The following CHRM3 variants were observed in gnomAD, a reference collection of about 807,000 sequenced individuals.
CHRM3 encodes the protein muscarinic acetylcholine receptor M3.
A neutral mutation model predicts 41.8 loss-of-function variants in CHRM3; 11 were observed. The observed-to-expected ratio is 0.26, with a 90% CI of 0.17 to 0.44. The LOEUF (loss-of-function observed/expected upper bound fraction) is 0.44, where lower values mean the gene tolerates loss of function less well. Ranked by LOEUF, CHRM3 falls within the 20% of genes least tolerant of loss-of-function variation. The pLI, the probability that CHRM3 is intolerant of heterozygous loss-of-function variation, is 1.00. For missense variants in CHRM3, 571 were observed against 745.4 expected (o/e 0.77, Z 2.72); for synonymous variants, 297 against 301.4 (o/e 0.99, Z 0.15).
chr1:239,601,181 G>A (rs1665488125), intron 3 of CHRM3, among the ~76,000 whole-genome samples: 1 of 152,144 alleles, frequency 6.6e-6, no homozygotes, highest in Non-Finnish European at 1.5e-5. Flanking sequence ...ATTTCAGCCA[G>A]TTCCATTCTC....
chr1:239,535,981 A>G (rs990933540), intron 2 of CHRM3, among the ~76,000 whole-genome samples: 28 of 152,138 alleles, frequency 1.8e-4, no homozygotes, highest in Non-Finnish European at 5.9e-5. Flanking sequence ...TTAGATGAAC[A>G]ATGTGCATGT....
chr1:239,725,044 TTAGCAATA>T (rs1663308561), intron 5 of CHRM3, among the ~76,000 whole-genome samples: 1 of 151,942 alleles, frequency 6.6e-6, no homozygotes, highest in Admixed American at 6.6e-5. Context: ...TTCCTATTAC[TTAGCAATA>T]CAGACTAAGC....
At chr1:239,583,527 G>T (rs114558644) in intron 3 of CHRM3, among the ~76,000 whole-genome samples, 1,879 of 152,130 alleles carry the variant, frequency 0.012, 46 homozygotes, top group African/African-American at 0.043. Context: ...TGGTCATGCA[G>T]GTCAATTTAG....
intron 1 of CHRM3, among the ~76,000 whole-genome samples, chr1:239,408,528 A>ACAAAC (rs1299097626): frequency 2.7e-5 from 4 of 149,458 alleles, no homozygotes; most frequent in Non-Finnish European, 4.4e-5. Flanking sequence ...CGTCAAAAAA[A>ACAAAC]AAAAAAAAAA....
chr1:239,878,558 AT>A (rs1422087793), intron 6 of CHRM3, among the ~76,000 whole-genome samples: 1 of 151,584 alleles, frequency 6.6e-6, no homozygotes, highest in East Asian at 1.9e-4. Flanking sequence ...CATCTTGGAG[AT>A]CCCGGCTATA....
At chr1:239,405,288 C>A (rs2103012590) in intron 1 of CHRM3, among the ~76,000 whole-genome samples, 1 of 152,258 alleles carries the variant, frequency 6.6e-6, no homozygotes, top group East Asian at 1.9e-4. Flanking sequence ...TATTTCCAAC[C>A]ATTCCACTGG....
At chr1:239,838,375 C>T (rs1673503288) in intron 6 of CHRM3, among the ~76,000 whole-genome samples, 1 of 151,968 alleles carries the variant, frequency 6.6e-6, no homozygotes, top group South Asian at 2.1e-4. Flanking sequence ...AGATGCCATC[C>T]TACACCACAA....
At chr1:239,460,914 A>G (rs1665308461) in intron 1 of CHRM3, among the ~76,000 whole-genome samples, 1 of 152,238 alleles carries the variant, frequency 6.6e-6, no homozygotes, top group Non-Finnish European at 1.5e-5. Context: ...AGTTCCTCAT[A>G]AAGAGACATT....
chr1:239,397,608 G>A (rs1659598560), intron 1 of CHRM3, among the ~76,000 whole-genome samples: 1 of 151,480 alleles, frequency 6.6e-6, no homozygotes, highest in Non-Finnish European at 1.5e-5. Flanking sequence ...GGAGGCAGAG[G>A]TTGCAGTGAG....
intron 1 of CHRM3, among the ~76,000 whole-genome samples, chr1:239,404,988 G>C (rs1321813998): frequency 6.6e-6 from 1 of 151,756 alleles, no homozygotes; most frequent in African/African-American, 2.4e-5. Flanking sequence ...AAAAAGCAAA[G>C]ACAACATAGT....
rs1463848011 is a variant in CHRM3 at position 239,759,156 on chromosome 1, GGTTTTTTTTTTT to G, written c.-146-68083_-146-68072del. Among the ~76,000 whole-genome samples, 21 of 133,034 alleles carry G rather than the reference GGTTTTTTTTTTT, an allele frequency of 1.6e-4. No homozygotes were observed. In the East Asian group the frequency reaches 2.4e-3, roughly 15 times the overall value. The allele number at this position is 133,034 out of a possible 152,430, so 87.3% of individuals were successfully genotyped here. On this transcript the variant is annotated intron_variant, in intron 5 of 6. Coordinates refer to ENST00000676153, the MANE Select transcript of CHRM3 (RefSeq NM_001375978.1). ...AGCATTTTCCCCCCTGAGCTTTATGGGTTTTTTTTTTTGTTTTTTTTTTTTGTTTTTTTTTTT... is the reference window on the plus strand; with the variant it reads ...AGCATTTTCCCCCCTGAGCTTTATGGGTTTTTTTTTTTTGTTTTTTTTTTT...
In CHRM3 at chr1:239,504,905, C is replaced by T. The variant is rs1668466777; in HGVS notation, c.-422+12098C>T. 2.0e-5 allele frequency among the ~76,000 whole-genome samples: 3 copies of T among 150,512 alleles called. No homozygotes were observed. The South Asian group carries it at 6.4e-4, about 32-fold the overall frequency. On this transcript the variant is annotated intron_variant, in intron 2 of 6. Coordinates refer to ENST00000676153, the MANE Select transcript of CHRM3 (RefSeq NM_001375978.1). The stretch of plus-strand genomic sequence containing the variant: ...AGAATGATACAATGGACTTTGGGGA[C>T]TTGGGGGGAAGGGTGGGAAGGGGGC...
chr1:239,488,747 A>G (rs1401827505), intron 1 of CHRM3, among the ~76,000 whole-genome samples: 3 of 130,844 alleles, frequency 2.3e-5, no homozygotes, highest in Non-Finnish European at 5.0e-5. Flanking sequence ...AAAAAAAAAA[A>G]AAAAGGGAAT....
chr1:239,877,575 G>A (rs996489098), intron 6 of CHRM3, among the ~76,000 whole-genome samples: 2 of 152,158 alleles, frequency 1.3e-5, no homozygotes, highest in African/African-American at 4.8e-5. Flanking sequence ...TTTCAAAACT[G>A]CTGCAGAAAG....
At chr1:239,594,784 A>G (rs1176968512) in intron 3 of CHRM3, among the ~76,000 whole-genome samples, 1 of 152,158 alleles carries the variant, frequency 6.6e-6, no homozygotes, top group African/African-American at 2.4e-5. Flanking sequence ...GATGTCAAAA[A>G]TCTTTGGAAA....
chr1:239,848,331 G>A (rs986570006), intron 6 of CHRM3, among the ~76,000 whole-genome samples: 1 of 152,112 alleles, frequency 6.6e-6, no homozygotes, highest in African/African-American at 2.4e-5. Context: ...ATTTGGCTCA[G>A]TCTTTTGTTC....
In CHRM3 at chr1:239,890,257, G is replaced by T. The variant is rs563860045; in HGVS notation, c.-19-17176G>T. On this transcript the variant is annotated intron_variant, in intron 6 of 6. Coordinates refer to ENST00000676153, the MANE Select transcript of CHRM3 (RefSeq NM_001375978.1). ...CCGAGGTTGCGGTGAGGCTGCAGGAGGTGAGGTTGCGGAGAGGAGGCAGAG... is the reference window on the plus strand; with the variant it reads ...CCGAGGTTGCGGTGAGGCTGCAGGATGTGAGGTTGCGGAGAGGAGGCAGAG... Among the ~76,000 whole-genome samples the T allele has an allele frequency of 5.7e-4, 86 of 152,116 alleles. 2 individuals carry two copies. Among genetic ancestry groups the T allele is most frequent in the African/African-American group, 1.9e-3 (80 of 41,518 alleles).
At chr1:239,667,411 C>T (rs912539172) in intron 4 of CHRM3, among the ~76,000 whole-genome samples, 1 of 152,144 alleles carries the variant, frequency 6.6e-6, no homozygotes, top group East Asian at 1.9e-4. Context: ...CTGTCATGTG[C>T]GGAGACTCAT....
chr1:239,878,883 G>A (rs1677351511), intron 6 of CHRM3, among the ~76,000 whole-genome samples: 2 of 152,170 alleles, frequency 1.3e-5, no homozygotes, highest in South Asian at 4.1e-4. Context: ...GCCTGAGGAG[G>A]AAGGGCTCCA....
Sources: gnomAD v4.1 joint callset for allele counts (sites outside exome capture counted in the v4.1 genomes callset) on GRCh38, gnomAD v4.1.1 for gene constraint, MANE v1.5 for transcripts, NCBI Gene and HGNC (gene_info 2026-07-23, HGNC 2026-07-21) for gene names.